DPP10: variants seen among roughly 807,000 people sequenced by gnomAD.
The protein encoded by DPP10 is inactive dipeptidyl peptidase 10.
A neutral mutation model predicts 120.9 loss-of-function variants in DPP10; 33 were observed. The observed-to-expected ratio is 0.27, with a 90% CI of 0.21 to 0.37. DPP10 has a LOEUF of 0.37. Ranked by LOEUF, DPP10 falls within the 10% of genes least tolerant of loss-of-function variation. The pLI, the probability that DPP10 is intolerant of heterozygous loss-of-function variation, is 1.00. For missense variants in DPP10, 816 were observed against 942.8 expected, an observed-to-expected ratio of 0.87 and a Z score of 1.76; for synonymous variants, 337 against 326.1, an observed-to-expected ratio of 1.03 and a Z score of -0.36.
At chr2:114,564,482 C>G (rs1219759750) in intron 1 of DPP10, among the ~76,000 whole-genome samples, 1 of 152,120 alleles carries the variant, frequency 6.6e-6, no homozygotes, top group Non-Finnish European at 1.5e-5. Flanking sequence ...TTCTCATTAA[C>G]AACTAAGGTT....
At chr2:115,183,932 G>A (rs1425234698) in intron 1 of DPP10, among the ~76,000 whole-genome samples, 1 of 152,178 alleles carries the variant, frequency 6.6e-6, no homozygotes, top group Non-Finnish European at 1.5e-5. Flanking sequence ...AGTGTCCATG[G>A]AAAGAACGCT....
intron 1 of DPP10, among the ~76,000 whole-genome samples, chr2:114,463,655 T>G (rs1330468911): frequency 6.6e-6 from 1 of 152,228 alleles, no homozygotes; most frequent in East Asian, 1.9e-4. Flanking sequence ...CTAGTTATTT[T>G]AAATTTGCCT....
intron 1 of DPP10, among the ~76,000 whole-genome samples, chr2:114,946,335 A>G (rs77442693): frequency 0.015 from 2,340 of 152,268 alleles, 61 homozygotes; most frequent in African/African-American, 0.053. Flanking sequence ...TATTCTTTAA[A>G]AAGTTTTTTT....
intron 3 of DPP10, among the ~76,000 whole-genome samples, chr2:115,485,585 T>C (rs1558738166): frequency 6.6e-6 from 1 of 151,768 alleles, no homozygotes; most frequent in African/African-American, 2.4e-5. Context: ...TTTAATTAAG[T>C]CTTACTTTAT....
chr2:115,588,465 C>G (rs1005220489), intron 5 of DPP10, among the ~76,000 whole-genome samples: 2 of 152,138 alleles, frequency 1.3e-5, no homozygotes, highest in Non-Finnish European at 2.9e-5. Flanking sequence ...TTGGCTTACC[C>G]TACCATCATG....
chr2:115,338,172 T>C (rs2063256107), intron 2 of DPP10, among the ~76,000 whole-genome samples: 2 of 152,126 alleles, frequency 1.3e-5, no homozygotes, highest in African/African-American at 4.8e-5. Context: ...CTGTGTAACT[T>C]TGTCTGTTAA....
At chr2:114,807,908 T>C (rs1684868765) in intron 1 of DPP10, among the ~76,000 whole-genome samples, 2 of 152,222 alleles carry the variant, frequency 1.3e-5, no homozygotes, top group African/African-American at 2.4e-5. Flanking sequence ...CTCATTTACA[T>C]GTCCAGCAGC....
chr2:114,864,976 T>G (rs1690112367), intron 1 of DPP10, among the ~76,000 whole-genome samples: 1 of 152,230 alleles, frequency 6.6e-6, no homozygotes, highest in South Asian at 2.1e-4. Flanking sequence ...GGACAGGTCA[T>G]TCTAGCAAAT....
At chr2:114,453,638 T>C (rs1304127140) in intron 1 of DPP10, among the ~76,000 whole-genome samples, 1 of 152,042 alleles carries the variant, frequency 6.6e-6, no homozygotes, top group African/African-American at 2.4e-5. Context: ...ATGAGGATTG[T>C]GGTTAGATAT....
intron 1 of DPP10, among the ~76,000 whole-genome samples, chr2:114,636,234 G>T (rs918101961): frequency 2.0e-5 from 3 of 151,966 alleles, no homozygotes; most frequent in Middle Eastern, 3.2e-3. Context: ...CAGCAGAACT[G>T]CTTTATATAA....
chr2:114,736,220 C>T (rs1677418418), intron 1 of DPP10, among the ~76,000 whole-genome samples: 1 of 152,016 alleles, frequency 6.6e-6, no homozygotes. Context: ...CCTCCCTCCA[C>T]TGCTTTCCTC....
chr2:115,628,574 C>G (rs955361057), intron 5 of DPP10, among the ~76,000 whole-genome samples: 1 of 152,018 alleles, frequency 6.6e-6, no homozygotes, highest in Non-Finnish European at 1.5e-5. Context: ...TGGCTGCTTT[C>G]ATCATGAAAT....
intron 1 of DPP10, among the ~76,000 whole-genome samples, chr2:114,793,109 A>G (rs1683392211): frequency 6.6e-6 from 1 of 151,928 alleles, no homozygotes; most frequent in Non-Finnish European, 1.5e-5. Context: ...GGCAGTTCCC[A>G]TATCCTTTTG....
At chr2:114,668,477 A>G (rs777634195) in intron 1 of DPP10, among the ~76,000 whole-genome samples, 3 of 152,138 alleles carry the variant, frequency 2.0e-5, no homozygotes, top group Non-Finnish European at 4.4e-5. Context: ...TCAAATGCTA[A>G]CTTCTTTCCA....
intron 1 of DPP10, among the ~76,000 whole-genome samples, chr2:114,583,825 C>T (rs1049966458): frequency 7.2e-5 from 11 of 152,160 alleles, no homozygotes; most frequent in Admixed American, 2.0e-4. Context: ...TGATGAGATA[C>T]GGAGTAACCT....
chr2:114,952,648 A>C lies in DPP10; in HGVS notation c.61-356591A>C, dbSNP rs148386666. Reference sequence around the variant, plus strand: ...AGGCTACCATATTTTTAGCAGTATTAAGAGCTCCTGGTGTCTGTCTGTGTA... The same window carrying C: ...AGGCTACCATATTTTTAGCAGTATTCAGAGCTCCTGGTGTCTGTCTGTGTA... On this transcript the variant is annotated intron_variant, in intron 1 of 25. Transcript: ENST00000410059. 5.8e-4 allele frequency among the ~76,000 whole-genome samples: 88 copies of C among 152,358 alleles called. 1 individual carries two copies. The East Asian group carries it at 0.017, about 29-fold the overall frequency.
At chr2:114,599,281 T>G (rs1474950084) in intron 1 of DPP10, among the ~76,000 whole-genome samples, 3 of 151,896 alleles carry the variant, frequency 2.0e-5, no homozygotes, top group African/African-American at 7.2e-5. Context: ...ATTTTACATT[T>G]CTGTGGGTTT....
chr2:115,560,180 C>T (rs1224569507), intron 5 of DPP10, among the ~76,000 whole-genome samples: 1 of 149,686 alleles, frequency 6.7e-6, no homozygotes, highest in Non-Finnish European at 1.5e-5. Context: ...ACCATCCTGG[C>T]TAACACGGTG....
chr2:114,709,188 A>G (rs532658221), intron 1 of DPP10, among the ~76,000 whole-genome samples: 1 of 152,320 alleles, frequency 6.6e-6, no homozygotes, highest in South Asian at 2.1e-4. Flanking sequence ...ATTGGAGGGA[A>G]GAAAGACAGG....
Sources: allele counts gnomAD v4.1 joint callset (sites outside exome capture counted in the v4.1 genomes callset), GRCh38; gene constraint gnomAD v4.1.1; transcripts MANE v1.5; gene names NCBI Gene and HGNC (gene_info 2026-07-23, HGNC 2026-07-21).